The following CNOT2 variants were observed in gnomAD, a reference collection of about 807,000 sequenced individuals.
The protein encoded by CNOT2 is CCR4-NOT transcription complex subunit 2.
A neutral mutation model predicts 72.1 loss-of-function variants in CNOT2; 7 were observed. That is an observed-to-expected ratio of 0.10 (90% CI 0.06 to 0.18). CNOT2 has a LOEUF of 0.18. Among genes scored for constraint, CNOT2 ranks in the 10% least tolerant of loss-of-function variants. The pLI, the probability that CNOT2 is intolerant of heterozygous loss-of-function variation, is 1.00. For missense variants in CNOT2, 345 were observed against 660.3 expected (o/e 0.52, Z 5.23); for synonymous variants, 196 against 225.6 (o/e 0.87, Z 1.17).
In CNOT2 at chr12:70,272,908, A is replaced by G. The variant is rs184751025; in HGVS notation, c.-95-5224A>G. Among the ~76,000 whole-genome samples the G allele has an allele frequency of 1.3e-4, 20 of 152,252 alleles. No individual in the cohort carries two copies. In the East Asian group the frequency reaches 2.7e-3, roughly 21 times the overall value. On this transcript the variant is annotated intron_variant, in intron 1 of 15. Coordinates refer to ENST00000229195, the MANE Select transcript of CNOT2 (RefSeq NM_014515.7). ...TCCATAGCTTTTATTACTATGGCCT[A>G]CCTGAATCTGTTCCTGTTTACTATC...
intron 1 of CNOT2, among the ~76,000 whole-genome samples, chr12:70,272,408 G>C (rs192751734): frequency 1.1e-4 from 16 of 152,294 alleles, no homozygotes; most frequent in African/African-American, 3.8e-4. Flanking sequence ...TTTGGGGTAA[G>C]ATCGTTGAAA....
At chr12:70,271,310 T>C (rs924375571) in intron 1 of CNOT2, among the ~76,000 whole-genome samples, 14 of 152,052 alleles carry the variant, frequency 9.2e-5, no homozygotes, top group Admixed American at 3.3e-4. Flanking sequence ...TTAAATGCCC[T>C]TTCATAAATC....
In CNOT2 at chr12:70,338,756, C is replaced by T; in HGVS notation, c.1112C>T (p.Pro371Leu). The change falls in exon 11 of 16, where the codon CCA (proline) becomes CTA (leucine). Residue 371 changes from proline (P) to leucine (L), a missense_variant. Pro to Leu is a moderately conservative substitution (Grantham distance 98). Coordinates refer to ENST00000229195, the MANE Select transcript of CNOT2 (RefSeq NM_014515.7). ...LTFIRAAETDPGMVHLALGSD... is the reference protein window; with the variant it reads ...LTFIRAAETDLGMVHLALGSD... Reference sequence around the variant, plus strand: ...TTTATCAGGGCAGCAGAGACAGACCCAGGAATGGTACATCTTGCATTAGGA... The same window carrying T: ...TTTATCAGGGCAGCAGAGACAGACCTAGGAATGGTACATCTTGCATTAGGA... The T allele has an allele frequency of 6.2e-7, 1 of 1,613,422 alleles. No individual in the cohort carries two copies. The highest frequency in any genetic ancestry group is 8.5e-7 in the Non-Finnish European group (1 of 1,179,530).
At chr12:70,346,500 G>T in intron 15 of CNOT2, 176 bp downstream of exon 15, 2 of 455,724 alleles carry the variant, frequency 4.4e-6, no homozygotes, top group South Asian at 5.8e-5. Flanking sequence ...AAAACAATTG[G>T]TTTCACTGAT....
chr12:70,283,953 T>TTTTTA (rs1870385628), intron 2 of CNOT2, among the ~76,000 whole-genome samples: 3 of 149,014 alleles, frequency 2.0e-5, no homozygotes, highest in Admixed American at 6.7e-5. Flanking sequence ...TTTTTTTTTT[T>TTTTTA]GAGATGGAGT....
intron 2 of CNOT2, among the ~76,000 whole-genome samples, chr12:70,306,060 C>A (rs562444702): frequency 2.6e-5 from 4 of 152,094 alleles, no homozygotes; most frequent in African/African-American, 9.6e-5. Flanking sequence ...ATTACGTCTT[C>A]CAGTTTAATT....
chr12:70,331,663 G>A (rs889278771), intron 6 of CNOT2: 1 of 151,756 alleles, frequency 6.6e-6, no homozygotes, highest in African/African-American at 2.4e-5. Flanking sequence ...AATAGCATCA[G>A]CAATTCTAAT....
At chr12:70,305,877 T>TG (rs897175115) in intron 2 of CNOT2, among the ~76,000 whole-genome samples, 11 of 147,432 alleles carry the variant, frequency 7.5e-5, no homozygotes, top group African/African-American at 1.8e-4. Context: ...AAGTTTGTTT[T>TG]TTTTTTTTTT....
intron 8 of CNOT2, chr12:70,337,003 A>G (rs773152403): frequency 3.1e-5 from 5 of 160,540 alleles, no homozygotes; most frequent in Non-Finnish European, 6.8e-5. Context: ...GAATACTGAC[A>G]TATTCTTTTA....
chr12:70,275,032 G>C (rs898732489), intron 1 of CNOT2, among the ~76,000 whole-genome samples: 1 of 152,056 alleles, frequency 6.6e-6, no homozygotes, highest in Admixed American at 6.5e-5. Flanking sequence ...GGGCATAGTT[G>C]CTGAGTTGTA....
intron 15 of CNOT2, 51 bp downstream of exon 15, chr12:70,346,375 G>A (rs1186649909): frequency 6.1e-6 from 9 of 1,483,716 alleles, no homozygotes; most frequent in Non-Finnish European, 7.5e-6. Flanking sequence ...GAAAAAAGAA[G>A]TGTCCTCTTT....
intron 2 of CNOT2, among the ~76,000 whole-genome samples, chr12:70,305,873 G>GTTTTTTTTTTT (rs11412509): frequency 3.3e-5 from 2 of 60,068 alleles, no homozygotes; most frequent in Non-Finnish European, 6.0e-5. Flanking sequence ...TCTGAAGTTT[G>GTTTTTTTTTTT]TTTTTTTTTT....
intron 3 of CNOT2, among the ~76,000 whole-genome samples, chr12:70,317,334 C>T (rs1272185075): frequency 3.3e-5 from 5 of 151,992 alleles, no homozygotes; most frequent in Non-Finnish European, 7.4e-5. Context: ...ATACATGTGC[C>T]ATAAACCTTT....
At chr12:70,277,541 T>C (rs1163924969) in intron 1 of CNOT2, among the ~76,000 whole-genome samples, 1 of 152,128 alleles carries the variant, frequency 6.6e-6, no homozygotes, top group Admixed American at 6.5e-5. Context: ...TCAAAGGAAG[T>C]TGACATTTTT....
At chr12:70,284,649 T>C (rs1427039199) in intron 2 of CNOT2, among the ~76,000 whole-genome samples, 1 of 148,636 alleles carries the variant, frequency 6.7e-6, no homozygotes, top group Non-Finnish European at 1.5e-5. Context: ...TAATGTCAAA[T>C]CAAGTTAAAT....
rs571160577 is a variant in CNOT2 at position 70,341,970 on chromosome 12, T to C, written c.1179-137T>C. The C allele has an allele frequency of 2.8e-5, 19 of 687,614 alleles. No homozygotes were observed. In the African/African-American group the frequency reaches 3.4e-4, roughly 12 times the overall value. 42.6% of individuals were successfully genotyped at this position (687,614 alleles called of 1,614,324 possible). The stretch of plus-strand genomic sequence containing the variant: ...CACACACAGTCTTCATTTGCTTCTG[T>C]ATAAGTCAGTAAACCCAAGTAAGGG... On this transcript the variant is annotated intron_variant, in intron 11 of 15. Coordinates refer to ENST00000229195, the MANE Select transcript of CNOT2 (RefSeq NM_014515.7).
intron 15 of CNOT2, among the ~76,000 whole-genome samples, chr12:70,349,611 G>T (rs911391136): frequency 1.3e-5 from 2 of 152,046 alleles, no homozygotes; most frequent in Admixed American, 6.6e-5. Context: ...TAAACCAGAA[G>T]TATTTCTTAT....
At chr12:70,309,480 A>G (rs937438443) in intron 2 of CNOT2, among the ~76,000 whole-genome samples, 3 of 152,154 alleles carry the variant, frequency 2.0e-5, no homozygotes, top group Non-Finnish European at 4.4e-5. Flanking sequence ...GGTGCTTTCA[A>G]CAGAGTTACA....
chr12:70,340,535 A>G (rs1446994623), intron 11 of CNOT2, among the ~76,000 whole-genome samples: 1 of 152,176 alleles, frequency 6.6e-6, no homozygotes, highest in East Asian at 1.9e-4. Context: ...TCACCCCCCA[A>G]CTTATTCTGT....
Sources: allele counts gnomAD v4.1 joint callset (sites outside exome capture counted in the v4.1 genomes callset), GRCh38; gene constraint gnomAD v4.1.1; transcripts MANE v1.5; gene names NCBI Gene and HGNC (gene_info 2026-07-23, HGNC 2026-07-21).